UBE4B: variants seen among roughly 807,000 people sequenced by gnomAD.
UBE4B encodes ubiquitin conjugation factor E4 B.
Under a neutral mutation model 148.1 loss-of-function variants are expected in UBE4B, and 27 were observed. The ratio of observed to expected loss-of-function variants is 0.18; its 90% CI spans 0.13 to 0.25. The LOEUF is 0.25. Ranked by LOEUF, UBE4B falls within the 10% of genes least tolerant of loss-of-function variation. The pLI is 1.00. For synonymous variants in UBE4B, 596 were observed against 619.3 expected (o/e 0.96, Z 0.56); for missense variants, 1,170 against 1,662.4 (o/e 0.70, Z 5.15).
Position 10,178,658 on chromosome 1 carries a change from G to A in UBE4B, c.3540G>A (p.Lys1180=). Residue 1180 remains lysine, a synonymous_variant, in exon 26 of 28, where the codon AAG becomes AAA. Transcript: ENST00000343090. The part of the protein sequence containing the change: ...AIADDQRSYS[K]ELFEEVISKM... ...CTCCTTTGCAGAGATCCTACAGTAA[G>A]GAATTGTTTGAAGAAGTTATTTCAA... 1 of 1,610,714 alleles carries A rather than the reference G, an allele frequency of 6.2e-7. No individual in the cohort carries two copies. The highest frequency in any genetic ancestry group is 1.3e-5 in the African/African-American group (1 of 74,696).
chr1:10,137,727 C>T (rs899316546), intron 17 of UBE4B, among the ~76,000 whole-genome samples: 1 of 152,092 alleles, frequency 6.6e-6, no homozygotes, highest in Non-Finnish European at 1.5e-5. Flanking sequence ...TTACTCTAAG[C>T]ATTTTTTCCT....
intron 1 of UBE4B, chr1:10,059,665 C>T (rs140572802): frequency 0.017 from 2,693 of 155,950 alleles, 33 homozygotes; most frequent in Non-Finnish European, 0.027. Flanking sequence ...GCGTGAAGGG[C>T]GGCAGCCGAT....
chr1:10,057,827 A>G (rs1053059558), intron 1 of UBE4B, among the ~76,000 whole-genome samples: 2 of 152,008 alleles, frequency 1.3e-5, no homozygotes, highest in African/African-American at 4.8e-5. Flanking sequence ...TATTTTTGAG[A>G]TATTTACTCA....
At chr1:10,051,281 G>A (rs536062557) in intron 1 of UBE4B, among the ~76,000 whole-genome samples, 22 of 152,154 alleles carry the variant, frequency 1.4e-4, no homozygotes, top group African/African-American at 2.4e-4. Context: ...ATACCATCTC[G>A]TAGCACTGTT....
chr1:10,050,658 C>T (rs1037215285), intron 1 of UBE4B, among the ~76,000 whole-genome samples: 2 of 151,736 alleles, frequency 1.3e-5, no homozygotes, highest in Non-Finnish European at 2.9e-5. Context: ...TGGCTCAGAA[C>T]AAATACTTGT....
At chr1:10,083,545 T>C (rs1217931242) in intron 2 of UBE4B, among the ~76,000 whole-genome samples, 6 of 152,218 alleles carry the variant, frequency 3.9e-5, no homozygotes, top group Admixed American at 2.0e-4. Context: ...CTATCATTGA[T>C]TGCTATATTA....
At chr1:10,125,245 A>T (rs904852697) in intron 10 of UBE4B, among the ~76,000 whole-genome samples, 5 of 152,262 alleles carry the variant, frequency 3.3e-5, no homozygotes, top group Admixed American at 3.3e-4. Context: ...CCCTAAAAAA[A>T]TTTGGAGATT....
chr1:10,117,336 C>A, intron 7 of UBE4B, 123 bp from the exon 8 acceptor site: 1 of 1,257,642 alleles, frequency 8.0e-7, no homozygotes. Flanking sequence ...ATCTTGGCCG[C>A]ATGGGTGTTT....
intron 17 of UBE4B, among the ~76,000 whole-genome samples, chr1:10,140,466 T>C (rs1315672009): frequency 6.6e-6 from 1 of 152,266 alleles, no homozygotes; most frequent in African/African-American, 2.4e-5. Flanking sequence ...GTTAATTTTC[T>C]GTTCAAGTTT....
chr1:10,153,245 C>CTAATA (rs1646007757), intron 21 of UBE4B, among the ~76,000 whole-genome samples: 1 of 151,962 alleles, frequency 6.6e-6, no homozygotes, highest in East Asian at 1.9e-4. Context: ...GTGACTCCAG[C>CTAATA]TAATAATCCT....
At chr1:10,178,846 A>C in intron 26 of UBE4B, 28 bp downstream of exon 26, 1 of 1,558,444 alleles carries the variant, frequency 6.4e-7, no homozygotes, top group Non-Finnish European at 8.7e-7. Context: ...TTTCATGCTG[A>C]TTTCTTTTGA....
intron 8 of UBE4B, among the ~76,000 whole-genome samples, chr1:10,118,247 G>T (rs986362239): frequency 1.3e-5 from 2 of 152,086 alleles, no homozygotes; most frequent in African/African-American, 4.8e-5. Flanking sequence ...TTGCCCACTG[G>T]TTAGTTTCAT....
At chr1:10,073,920 ATT>A (rs947131085) in intron 2 of UBE4B, among the ~76,000 whole-genome samples, 19 of 74,840 alleles carry the variant, frequency 2.5e-4, no homozygotes, top group East Asian at 7.1e-4. Context: ...CTTTCTTTCT[ATT>A]TTTTTTTTTT....
intron 25 of UBE4B, 105 bp downstream of exon 25, chr1:10,171,434 GT>G: frequency 7.2e-7 from 1 of 1,385,130 alleles, no homozygotes; most frequent in Non-Finnish European, 9.9e-7. Context: ...TGAGTGGGTT[GT>G]TTTCCTTTGA....
chr1:10,126,323 A>T (rs186181900), intron 10 of UBE4B, among the ~76,000 whole-genome samples: 2 of 152,108 alleles, frequency 1.3e-5, no homozygotes, highest in Non-Finnish European at 2.9e-5. Flanking sequence ...AGATAGATAG[A>T]TAGATAGATA....
At chr1:10,178,543 G>A in intron 25 of UBE4B, 101 bp from the exon 26 acceptor site, 1 of 1,261,946 alleles carries the variant, frequency 7.9e-7, no homozygotes, top group Non-Finnish European at 1.1e-6. Flanking sequence ...TTTTTAGTGG[G>A]GGAAAATCCA....
intron 18 of UBE4B, among the ~76,000 whole-genome samples, chr1:10,146,672 C>A (rs139164134): frequency 6.6e-6 from 1 of 152,094 alleles, no homozygotes; most frequent in Middle Eastern, 3.2e-3. Flanking sequence ...GCCTCCCTGT[C>A]GCCACCCTCT....
At chr1:10,138,318 T>C (rs1444781017) in intron 17 of UBE4B, among the ~76,000 whole-genome samples, 2 of 151,920 alleles carry the variant, frequency 1.3e-5, no homozygotes, top group African/African-American at 4.8e-5. Context: ...AGGATAGTCT[T>C]GATCTCCTGA....
At chr1:10,081,424 G>A (rs1644678741) in intron 2 of UBE4B, among the ~76,000 whole-genome samples, 1 of 151,520 alleles carries the variant, frequency 6.6e-6, no homozygotes, top group Admixed American at 6.6e-5. Context: ...TATTATAATT[G>A]GTTTTTTTAT....
Sources: gnomAD v4.1 joint callset for allele counts (sites outside exome capture counted in the v4.1 genomes callset) on GRCh38, gnomAD v4.1.1 for gene constraint, MANE v1.5 for transcripts, NCBI Gene and HGNC (gene_info 2026-07-23, HGNC 2026-07-21) for gene names.